CMIP: variants seen among roughly 807,000 people sequenced by gnomAD.
CMIP encodes C-Maf-inducing protein.
CMIP carries 13 observed loss-of-function variants against 97.3 expected under a neutral mutation model. That is an observed-to-expected ratio of 0.13 (90% confidence interval 0.09 to 0.21). CMIP has a LOEUF of 0.21. Ranked by LOEUF, CMIP falls within the 10% of genes least tolerant of loss-of-function variation. CMIP has a pLI of 1.00. For missense variants in CMIP, 847 were observed against 1,024.9 expected, an observed-to-expected ratio of 0.83 and a Z score of 2.37; for synonymous variants, 538 against 436.3, an observed-to-expected ratio of 1.23 and a Z score of -2.91.
chr16:81,591,795 T>G (rs929317325), intron 1 of CMIP, among the ~76,000 whole-genome samples: 2 of 151,244 alleles, frequency 1.3e-5, no homozygotes, highest in African/African-American at 4.9e-5. Flanking sequence ...TTCTGCTTGT[T>G]ATGCAGTTTA....
intron 7 of CMIP, among the ~76,000 whole-genome samples, chr16:81,669,642 C>A (rs970623827): frequency 1.4e-5 from 2 of 147,394 alleles, no homozygotes; most frequent in African/African-American, 2.5e-5. Flanking sequence ...CCTTCCACAC[C>A]CACCTCACAC....
intron 3 of CMIP, among the ~76,000 whole-genome samples, chr16:81,647,513 C>T (rs988287243): frequency 1.3e-5 from 2 of 152,160 alleles, no homozygotes; most frequent in Admixed American, 6.5e-5. Flanking sequence ...TGCCCAGCCA[C>T]AGAACAGTTC....
chr16:81,644,633 C>T lies in CMIP; in HGVS notation c.478-7570C>T, dbSNP rs547867612. Among the ~76,000 whole-genome samples the T allele has an allele frequency of 8.5e-5, 13 of 152,328 alleles. 1 individual carries two copies. In the East Asian group the frequency reaches 1.7e-3, roughly 20 times the overall value. On this transcript the variant is annotated intron_variant, in intron 3 of 20. Coordinates refer to ENST00000537098, the MANE Select transcript of CMIP (RefSeq NM_198390.3). Reference sequence around the variant, plus strand: ...CTGCCTCCCAAGTGTCCAGTCCTCCCGGAAGCCATGGCTTGCTGGAGATAG... The same window carrying T: ...CTGCCTCCCAAGTGTCCAGTCCTCCTGGAAGCCATGGCTTGCTGGAGATAG...
intron 1 of CMIP, among the ~76,000 whole-genome samples, chr16:81,495,827 G>A (rs1006959887): frequency 4.0e-5 from 6 of 151,186 alleles, no homozygotes; most frequent in South Asian, 4.2e-4. Flanking sequence ...TGACTTGGCT[G>A]TTGGCTGTCA....
chr16:81,465,310 A>G (rs1020815450), intron 1 of CMIP, among the ~76,000 whole-genome samples: 1 of 152,166 alleles, frequency 6.6e-6, no homozygotes, highest in African/African-American at 2.4e-5. Flanking sequence ...TGTGGGCTGG[A>G]TCTTCATTTA....
intron 1 of CMIP, among the ~76,000 whole-genome samples, chr16:81,501,875 G>T (rs1567547068): frequency 6.6e-6 from 1 of 152,182 alleles, no homozygotes; most frequent in African/African-American, 2.4e-5. Flanking sequence ...GCCTCCCAAA[G>T]TGCTGGGGTT....
At chr16:81,626,786 AGAGTGTGTGTGTGT>A (rs1376483912) in intron 3 of CMIP, among the ~76,000 whole-genome samples, 1 of 102,508 alleles carries the variant, frequency 9.8e-6, no homozygotes, top group Admixed American at 1.0e-4. Flanking sequence ...AGAGAGAGAG[AGAGTGTGTGTGTGT>A]GTGTGTGTGT....
intron 1 of CMIP, among the ~76,000 whole-genome samples, chr16:81,597,139 T>C (rs2150927073): frequency 6.6e-6 from 1 of 152,292 alleles, no homozygotes; most frequent in East Asian, 1.9e-4. Flanking sequence ...AGCACAAATA[T>C]GGGCCTTTCT....
chr16:81,696,539 G>T (rs757121458), intron 13 of CMIP, 21 bp from the exon 14 acceptor site: 1 of 1,598,638 alleles, frequency 6.3e-7, no homozygotes, highest in Non-Finnish European at 8.5e-7. Context: ...GCTCACACTT[G>T]TGTCTTCCCT....
intron 1 of CMIP, among the ~76,000 whole-genome samples, chr16:81,511,963 G>A (rs1318556118): frequency 6.6e-6 from 1 of 152,100 alleles, no homozygotes; most frequent in East Asian, 1.9e-4. Flanking sequence ...TGCTCTAAGT[G>A]TAAAACGCAC....
chr16:81,605,177 C>G (rs946826153), intron 1 of CMIP, among the ~76,000 whole-genome samples: 2 of 152,210 alleles, frequency 1.3e-5, no homozygotes, highest in African/African-American at 4.8e-5. Flanking sequence ...GAGAACAGAA[C>G]AGTGCACGGG....
intron 1 of CMIP, among the ~76,000 whole-genome samples, chr16:81,498,046 A>G (rs562937275): frequency 1.3e-4 from 20 of 152,216 alleles, no homozygotes; most frequent in African/African-American, 4.8e-4. Context: ...TCATGCATGC[A>G]TGTGTTGGTT....
chr16:81,534,564 T>A (rs2090304564), intron 1 of CMIP, among the ~76,000 whole-genome samples: 1 of 152,206 alleles, frequency 6.6e-6, no homozygotes, highest in Non-Finnish European at 1.5e-5. Flanking sequence ...GTTGAGTGTC[T>A]TAATTAGTGA....
chr16:81,678,143 G>T, intron 9 of CMIP, 132 bp from the exon 10 acceptor site: 1 of 689,558 alleles, frequency 1.5e-6, no homozygotes, highest in Non-Finnish European at 2.4e-6. Context: ...TTCCTCATTT[G>T]TAGCACAGGA....
intron 1 of CMIP, among the ~76,000 whole-genome samples, chr16:81,570,272 C>T (rs761015067): frequency 6.6e-6 from 1 of 152,144 alleles, no homozygotes; most frequent in African/African-American, 2.4e-5. Flanking sequence ...GTGGACCTTC[C>T]AAAAGCCAAT....
chr16:81,652,467 G>A lies in CMIP; in HGVS notation c.639+103G>A. 9.6e-7 allele frequency: 1 copy of A among 1,040,650 alleles called. No homozygotes were observed. The highest frequency in any genetic ancestry group is 1.6e-5 in the South Asian group (1 of 64,118). The allele number at this position is 1,040,650 out of a possible 1,614,324, so 64.5% of individuals were successfully genotyped here. A position where few individuals can be genotyped will look rare whatever the true frequency, so the allele number is the denominator to read the frequency against. ...GCGCAGGCAGAGCTCCGTGTGGGCTGTGTTGTTGCCCTGCTGCCGAAGGAG... is the reference window on the plus strand; with the variant it reads ...GCGCAGGCAGAGCTCCGTGTGGGCTATGTTGTTGCCCTGCTGCCGAAGGAG... On this transcript the variant is annotated intron_variant, in intron 4 of 20. Transcript: ENST00000537098. The surrounding 1 kb of genome is among the most constrained non-coding windows in gnomAD (Gnocchi z 5.2).
intron 1 of CMIP, among the ~76,000 whole-genome samples, chr16:81,596,188 C>A (rs1439334571): frequency 1.3e-5 from 2 of 152,144 alleles, no homozygotes; most frequent in East Asian, 3.9e-4. Context: ...GGATTCAGCT[C>A]TAGAAAATCT....
intron 1 of CMIP, among the ~76,000 whole-genome samples, chr16:81,532,775 C>T (rs2090264492): frequency 6.6e-6 from 1 of 152,188 alleles, no homozygotes; most frequent in Non-Finnish European, 1.5e-5. Context: ...GCCCTGACTC[C>T]AGTGTGCCAT....
At chr16:81,569,585 C>T (rs567442846) in intron 1 of CMIP, among the ~76,000 whole-genome samples, 21 of 152,352 alleles carry the variant, frequency 1.4e-4, no homozygotes, top group African/African-American at 4.6e-4. Flanking sequence ...CAGAGAGAGG[C>T]GGCAGCAACT....
Sources: allele counts gnomAD v4.1 joint callset (sites outside exome capture counted in the v4.1 genomes callset), GRCh38; gene constraint gnomAD v4.1.1; non-coding constraint Gnocchi (gnomAD v3.1); transcripts MANE v1.5; gene names NCBI Gene and HGNC (gene_info 2026-07-23, HGNC 2026-07-21).